ADAMTS3: variants seen among roughly 807,000 people sequenced by gnomAD.
ADAMTS3 encodes A disintegrin and metalloproteinase with thrombospondin motifs 3.
A neutral mutation model predicts 129.0 loss-of-function variants in ADAMTS3; 73 were observed. The observed-to-expected ratio is 0.57, with a 90% CI of 0.47 to 0.69. The LOEUF (loss-of-function observed/expected upper bound fraction) is 0.69. Ranked by LOEUF, ADAMTS3 falls within the 30% of genes least tolerant of loss-of-function variation. ADAMTS3 has a pLI of 0.00. For missense variants in ADAMTS3, 1,457 were observed against 1,514.5 expected (o/e 0.96, Z 0.63); for synonymous variants, 477 against 510.8 (o/e 0.93, Z 0.89).
intron 3 of ADAMTS3, among the ~76,000 whole-genome samples, chr4:72,472,901 A>G (rs962946648): frequency 2.6e-5 from 4 of 152,176 alleles, no homozygotes; most frequent in Admixed American, 6.5e-5. Context: ...CGTAACTGTA[A>G]TATTTGATGA....
chr4:72,337,974 G>T (rs537800068), intron 5 of ADAMTS3, among the ~76,000 whole-genome samples: 1 of 151,986 alleles, frequency 6.6e-6, no homozygotes, highest in Non-Finnish European at 1.5e-5. Flanking sequence ...AAGTAGCCCA[G>T]GGACATAATG....
chr4:72,435,311 A>G (rs1722794524), intron 3 of ADAMTS3, among the ~76,000 whole-genome samples: 3 of 151,802 alleles, frequency 2.0e-5, no homozygotes, highest in African/African-American at 7.2e-5. Context: ...CTCCCAAAAT[A>G]TTGATTTTTA....
chr4:72,401,864 G>A (rs530000568), intron 4 of ADAMTS3, among the ~76,000 whole-genome samples: 2 of 152,170 alleles, frequency 1.3e-5, no homozygotes, highest in South Asian at 4.1e-4. Flanking sequence ...ATGAGGAATC[G>A]TAAGCACTGA....
At chr4:72,410,550 TAAAAATGTAA>T (rs1434479952) in intron 4 of ADAMTS3, among the ~76,000 whole-genome samples, 1 of 152,090 alleles carries the variant, frequency 6.6e-6, no homozygotes, top group South Asian at 2.1e-4. Flanking sequence ...GGGATTAAAT[TAAAAATGTAA>T]AATGCTGAAT....
chr4:72,512,883 T>G (rs986771140), intron 3 of ADAMTS3, among the ~76,000 whole-genome samples: 1 of 152,190 alleles, frequency 6.6e-6, no homozygotes, highest in Non-Finnish European at 1.5e-5. Context: ...CCTCCTGCTC[T>G]CCAAAAAGTG....
At chr4:72,460,130 C>G (rs887516938) in intron 3 of ADAMTS3, among the ~76,000 whole-genome samples, 1 of 151,460 alleles carries the variant, frequency 6.6e-6, no homozygotes, top group Non-Finnish European at 1.5e-5. Context: ...TTAAGAGTAT[C>G]TCCTCCCCGC....
intron 3 of ADAMTS3, among the ~76,000 whole-genome samples, chr4:72,478,005 C>A (rs1276340325): frequency 1.3e-5 from 2 of 152,160 alleles, no homozygotes; most frequent in African/African-American, 4.8e-5. Flanking sequence ...GAAGTTGAAT[C>A]TCTGAATAGA....
Position 72,408,672 on chromosome 4 carries a change from A to T in ADAMTS3, c.661+6143T>A, listed in dbSNP as rs1172193391. ...TAACACAAATGCTTCCCACTTACTA[A>T]CATGAAAGTTTATAAATCATTGTAC... On this transcript the variant is annotated intron_variant, in intron 4 of 21. Coordinates refer to ENST00000286657, the MANE Select transcript of ADAMTS3 (RefSeq NM_014243.3). 2.0e-5 allele frequency among the ~76,000 whole-genome samples: 3 copies of T among 150,666 alleles called. No homozygotes were observed. In the East Asian group the frequency reaches 5.8e-4, roughly 29 times the overall value.
At chr4:72,479,220 G>T (rs1719347919) in intron 3 of ADAMTS3, among the ~76,000 whole-genome samples, 1 of 152,270 alleles carries the variant, frequency 6.6e-6, no homozygotes, top group Middle Eastern at 3.4e-3. Context: ...AACCAAAAAA[G>T]AGCCCGCATT....
intron 3 of ADAMTS3, among the ~76,000 whole-genome samples, chr4:72,432,402 T>C (rs1431459531): frequency 6.6e-6 from 1 of 151,872 alleles, no homozygotes; most frequent in Non-Finnish European, 1.5e-5. Flanking sequence ...CTAATACCAT[T>C]TCCCTGTTTT....
chr4:72,389,728 G>A (rs1721539453), intron 4 of ADAMTS3, among the ~76,000 whole-genome samples: 2 of 152,014 alleles, frequency 1.3e-5, no homozygotes, highest in African/African-American at 4.8e-5. Flanking sequence ...AAATATTTTG[G>A]AACTATAAAG....
intron 4 of ADAMTS3, among the ~76,000 whole-genome samples, chr4:72,363,817 T>C (rs1720791529): frequency 6.6e-6 from 1 of 150,508 alleles, no homozygotes; most frequent in Non-Finnish European, 1.5e-5. Context: ...AGTGGAAAAA[T>C]ATTTAAAACC....
At chr4:72,353,989 T>C (rs551610931) in intron 4 of ADAMTS3, among the ~76,000 whole-genome samples, 1 of 152,076 alleles carries the variant, frequency 6.6e-6, no homozygotes, top group Non-Finnish European at 1.5e-5. Flanking sequence ...CTGTTCCATA[T>C]AACTGTTTCA....
At chr4:72,530,036 A>T (rs57689994) in intron 3 of ADAMTS3, among the ~76,000 whole-genome samples, 134 of 7,720 alleles carry the variant, frequency 0.017, 44 homozygotes, top group South Asian at 0.071. Flanking sequence ...ATATAAATAT[A>T]ATATATTATA....
At chr4:72,374,646 T>C (rs984645785) in intron 4 of ADAMTS3, among the ~76,000 whole-genome samples, 6 of 152,224 alleles carry the variant, frequency 3.9e-5, no homozygotes, top group African/African-American at 1.2e-4. Flanking sequence ...CCTGTCCACA[T>C]TGGTGGATTA....
chr4:72,356,885 A>G (rs1233995119), intron 4 of ADAMTS3, among the ~76,000 whole-genome samples: 1 of 151,930 alleles, frequency 6.6e-6, no homozygotes, highest in Non-Finnish European at 1.5e-5. Context: ...AAAAATATTC[A>G]TAATACACAT....
chr4:72,331,981 C>T (rs1719864073), intron 5 of ADAMTS3, among the ~76,000 whole-genome samples: 1 of 152,154 alleles, frequency 6.6e-6, no homozygotes, highest in African/African-American at 2.4e-5. Flanking sequence ...CTACAATTAG[C>T]TCCTTGTAGA....
chr4:72,547,745 C>G (rs1012660307), intron 3 of ADAMTS3, among the ~76,000 whole-genome samples: 9 of 151,810 alleles, frequency 5.9e-5, no homozygotes, highest in Non-Finnish European at 2.9e-5. Flanking sequence ...CAGAAAACAC[C>G]AACACATTTT....
chr4:72,568,449 T>G (rs574440753), intron 1 of ADAMTS3, among the ~76,000 whole-genome samples: 14 of 152,176 alleles, frequency 9.2e-5, no homozygotes, highest in African/African-American at 3.1e-4. Context: ...CGCAGACTGG[T>G]GAAGCCCTAG....
Sources: allele counts gnomAD v4.1 joint callset (sites outside exome capture counted in the v4.1 genomes callset), GRCh38; gene constraint gnomAD v4.1.1; transcripts MANE v1.5; gene names NCBI Gene and HGNC (gene_info 2026-07-23, HGNC 2026-07-21).